LRRIQ4: variants seen among roughly 807,000 people sequenced by gnomAD.
The protein encoded by LRRIQ4 is leucine-rich repeat and IQ domain-containing protein 4.
LRRIQ4 carries 21 observed loss-of-function variants against 40.1 expected under a neutral mutation model. The ratio of observed to expected loss-of-function variants is 0.52; its 90% confidence interval spans 0.37 to 0.75. The LOEUF is 0.75. Ranked by LOEUF, LRRIQ4 falls within the 30% of genes least tolerant of loss-of-function variation. LRRIQ4 has a pLI of 0.00. For synonymous variants in LRRIQ4, 277 were observed against 277.1 expected, an observed-to-expected ratio of 1.00 and a Z score of 0.00; for missense variants, 655 against 660.0, an observed-to-expected ratio of 0.99 and a Z score of 0.08.
chr3:169,818,065 C>T (rs1339890963), intron 1 of LRRIQ4, among the ~76,000 whole-genome samples: 1 of 152,190 alleles, frequency 6.6e-6, no homozygotes, highest in Non-Finnish European at 1.5e-5. Context: ...GACAATTCCC[C>T]TCTGGCTAGG....
In LRRIQ4 at chr3:169,828,940, TC is replaced by T; in HGVS notation, c.1194+12del. ...CACATTAGGAAACTGCAGGTAAGCC[TC>T]CCCAAATGAGCAGGCTAAGAAGCAC... On this transcript the variant is annotated intron_variant, in intron 3 of 5. Transcript: ENST00000340806. 1 of 1,597,858 alleles carries T rather than the reference TC, an allele frequency of 6.3e-7. No homozygotes were observed.
rs370504348 is a variant in LRRIQ4, at chr3:169,822,113, C to T, written c.192C>T (p.Pro64=). The part of the protein sequence containing the change: ...HLENNQIEEI[P]QEIQRLKNIR... ...AGAATAACCAGATTGAAGAAATTCCCCAGGAGATTCAGCGTTTAAAGAACA... is the reference window on the plus strand; with the variant it reads ...AGAATAACCAGATTGAAGAAATTCCTCAGGAGATTCAGCGTTTAAAGAACA... Residue 64 remains proline (P), a synonymous_variant, in exon 2 of 6, where the codon CCC becomes CCT. Coordinates refer to ENST00000340806, the MANE Select transcript of LRRIQ4 (RefSeq NM_001080460.3). 2 of 1,611,756 alleles carry T rather than the reference C, an allele frequency of 1.2e-6. No individual in the cohort carries two copies. The highest frequency in any genetic ancestry group is 2.2e-5 in the East Asian group (1 of 44,882).
chr3:169,827,658 T>C (rs1780072058), intron 2 of LRRIQ4, among the ~76,000 whole-genome samples: 1 of 148,482 alleles, frequency 6.7e-6, no homozygotes, highest in African/African-American at 2.5e-5. Flanking sequence ...TGGTCTCCCA[T>C]GGTCCAGAAA....
intron 5 of LRRIQ4, among the ~76,000 whole-genome samples, 186 bp from the exon 6 acceptor site, chr3:169,837,293 G>A (rs976278954): frequency 3.9e-5 from 6 of 152,172 alleles, no homozygotes; most frequent in African/African-American, 1.4e-4. Flanking sequence ...AACAATAAAT[G>A]CATTTTTTAA....
At chr3:169,815,732 G>T (rs1017589417) in intron 1 of LRRIQ4, among the ~76,000 whole-genome samples, 5 of 152,070 alleles carry the variant, frequency 3.3e-5, no homozygotes, top group African/African-American at 9.7e-5. Context: ...TTAGAGAAAA[G>T]GTTTTCAGTA....
At chr3:169,824,697 G>C (rs1266954049) in intron 2 of LRRIQ4, among the ~76,000 whole-genome samples, 1 of 151,992 alleles carries the variant, frequency 6.6e-6, no homozygotes, top group Non-Finnish European at 1.5e-5. Context: ...ATTTTTAATA[G>C]AGACGGGGTT....
Position 169,828,887 on chromosome 3 carries a change from G to A in LRRIQ4, c.1149G>A (p.Gln383=). The A allele has an allele frequency of 6.2e-7, 1 of 1,613,718 alleles. No individual in the cohort carries two copies. The highest frequency in any genetic ancestry group is 8.5e-7 in the Non-Finnish European group (1 of 1,179,844). Residue 383 remains glutamine (Q), a synonymous_variant, in exon 3 of 6, where the codon CAG becomes CAA. Coordinates refer to ENST00000340806, the MANE Select transcript of LRRIQ4 (RefSeq NM_001080460.3). ...AGAAATTATACATTGGGCAAGACCA[G>A]GGATTCAAACTTACCTATGTGCCAG... The part of the protein sequence containing the change: ...SLEKLYIGQD[Q]GFKLTYVPEH...
At chr3:169,828,121 A>T (rs186574826) in intron 2 of LRRIQ4, among the ~76,000 whole-genome samples, 1 of 152,348 alleles carries the variant, frequency 6.6e-6, no homozygotes, top group African/African-American at 2.4e-5. Flanking sequence ...TGAATTTATA[A>T]TGAATATTAT....
intron 1 of LRRIQ4, among the ~76,000 whole-genome samples, chr3:169,819,627 C>A (rs1779833156): frequency 6.6e-6 from 1 of 152,170 alleles, no homozygotes; most frequent in African/African-American, 2.4e-5. Context: ...TGCTCTTACT[C>A]CCACTTCCTA....
intron 4 of LRRIQ4, among the ~76,000 whole-genome samples, chr3:169,831,993 A>G (rs1293717941): frequency 2.0e-5 from 3 of 151,814 alleles, no homozygotes; most frequent in African/African-American, 7.3e-5. Context: ...TTAAAAAAAA[A>G]AAGAAAAAAA....
At chr3:169,813,926 G>T (rs766560288) in intron 1 of LRRIQ4, among the ~76,000 whole-genome samples, 1 of 152,140 alleles carries the variant, frequency 6.6e-6, no homozygotes, top group African/African-American at 2.4e-5. Flanking sequence ...TGTGGGGCAC[G>T]TGGGCTCCGA....
chr3:169,830,551 G>T lies in LRRIQ4; in HGVS notation c.1254G>T (p.Gly418=), dbSNP rs79985796. Residue 418 remains glycine, a synonymous_variant, in exon 4 of 6, where the codon GGG becomes GGT. Transcript: ENST00000340806. The part of the protein sequence containing the change: ...NHLEYLPVSL[G]SMPNLEVLDC... ...TGGAGTACCTGCCCGTATCCTTGGG[G>T]TCAATGCCTAACCTAGAAGTTCTTG... 3.4e-3 allele frequency: 5,507 copies of T among 1,613,226 alleles called. 135 individuals carry two copies. The African/African-American group carries it at 0.064, about 19-fold the overall frequency.
At chr3:169,830,689 C>T (rs1048522452) in intron 4 of LRRIQ4, 59 bp downstream of exon 4, 2 of 1,594,608 alleles carry the variant, frequency 1.3e-6, no homozygotes, top group Non-Finnish European at 1.7e-6. Context: ...TTTCCTATGG[C>T]AAATGGCTTC....
Position 169,821,971 on chromosome 3 carries a change from G to T in LRRIQ4, c.50G>T (p.Arg17Ile). The T allele has an allele frequency of 6.6e-7, 1 of 1,514,232 alleles. No homozygotes were observed. The highest frequency in any genetic ancestry group is 1.4e-5 in the South Asian group (1 of 72,434). The allele number at this position is 1,514,232 out of a possible 1,614,324, so 93.8% of individuals were successfully genotyped here. The change falls in exon 2 of 6, where the codon AGA becomes ATA. Residue 17 changes from arginine (R) to isoleucine (I), a missense_variant. Physicochemically the swap from Arg to Ile is moderately conservative, Grantham distance 97 (BLOSUM62 -3). Coordinates refer to ENST00000340806, the MANE Select transcript of LRRIQ4 (RefSeq NM_001080460.3). ...SVEHSPKIHQ[R>I]NDPQHVNDRT... ...GAACATTCACCTAAAATTCATCAGAGAAATGATCCACAGCACGTCAATGAT... is the reference window on the plus strand; with the variant it reads ...GAACATTCACCTAAAATTCATCAGATAAATGATCCACAGCACGTCAATGAT...
At chr3:169,829,493 T>TTG (rs1044534544) in intron 3 of LRRIQ4, among the ~76,000 whole-genome samples, 6 of 147,094 alleles carry the variant, frequency 4.1e-5, no homozygotes, top group East Asian at 1.9e-4. Context: ...AAGAACTGTT[T>TTG]TTTTTTTTTC....
rs1401083343 is a variant in LRRIQ4 at position 169,822,574 on chromosome 3, T to C, written c.653T>C (p.Met218Thr). The change falls in exon 2 of 6, where the codon ATG (methionine) becomes ACG (threonine). Residue 218 changes from methionine to threonine, a missense_variant. By Grantham distance (81) the Met-to-Thr change is moderately conservative. Transcript: ENST00000340806. ...CTGACGGGGCTGCAGAAGTTCTATATGGCTTCTAACAACCTTCCCGTTCTG... is the reference window on the plus strand; with the variant it reads ...CTGACGGGGCTGCAGAAGTTCTATACGGCTTCTAACAACCTTCCCGTTCTG... ...GHLTGLQKFY[M>T]ASNNLPVLPA... 1.9e-6 allele frequency: 3 copies of C among 1,614,016 alleles called. No homozygotes were observed. In the Admixed American group the frequency reaches 5.0e-5, roughly 27 times the overall value.
At chr3:169,829,008 A>G in intron 3 of LRRIQ4, 76 bp downstream of exon 3, 4 of 1,261,422 alleles carry the variant, frequency 3.2e-6, no homozygotes, top group Non-Finnish European at 3.3e-6. Flanking sequence ...AGAAAATATG[A>G]GGTCTCCACA....
intron 3 of LRRIQ4, 79 bp downstream of exon 3, chr3:169,829,011 T>A (rs1181025433): frequency 1.1e-5 from 13 of 1,202,446 alleles, no homozygotes; most frequent in Non-Finnish European, 1.4e-5. Flanking sequence ...AAATATGAGG[T>A]CTCCACAGGC....
At chr3:169,816,247 T>C (rs1779766440) in intron 1 of LRRIQ4, among the ~76,000 whole-genome samples, 1 of 152,202 alleles carries the variant, frequency 6.6e-6, no homozygotes, top group South Asian at 2.1e-4. Flanking sequence ...TTAGTTCTTC[T>C]TTAAATGTTT....
Sources: allele counts gnomAD v4.1 joint callset (sites outside exome capture counted in the v4.1 genomes callset), GRCh38; gene constraint gnomAD v4.1.1; transcripts MANE v1.5; gene names NCBI Gene and HGNC (gene_info 2026-07-23, HGNC 2026-07-21).